The following NEGR1 variants were observed in gnomAD, a reference collection of about 807,000 sequenced individuals.
NEGR1 encodes IgLON family member 4.
Under a neutral mutation model 40.9 loss-of-function variants are expected in NEGR1, and 10 were observed. The ratio of observed to expected loss-of-function variants is 0.24; its 90% CI spans 0.15 to 0.42. The LOEUF (loss-of-function observed/expected upper bound fraction) is 0.42, where lower values mean the gene tolerates loss of function less well. Among genes scored for constraint, NEGR1 ranks in the 10% least tolerant of loss-of-function variants. NEGR1 has a pLI of 1.00. For synonymous variants in NEGR1, 185 were observed against 166.8 expected (o/e 1.11, Z -0.84); for missense variants, 352 against 438.9 (o/e 0.80, Z 1.77).
chr1:71,580,522 G>A (rs527291097), intron 6 of NEGR1, among the ~76,000 whole-genome samples: 1 of 152,166 alleles, frequency 6.6e-6, no homozygotes, highest in South Asian at 2.1e-4. Flanking sequence ...GTAGGCATGA[G>A]TTTATCATAG....
At chr1:72,018,638 A>G (rs143049912) in intron 1 of NEGR1, among the ~76,000 whole-genome samples, 2 of 152,328 alleles carry the variant, frequency 1.3e-5, no homozygotes, top group East Asian at 3.9e-4. Flanking sequence ...AATAAGTGCC[A>G]CAAAGCAAAA....
chr1:71,419,192 C>G (rs534251225), intron 6 of NEGR1, among the ~76,000 whole-genome samples: 1 of 152,250 alleles, frequency 6.6e-6, no homozygotes, highest in African/African-American at 2.4e-5. Context: ...AATTCCTTCC[C>G]AAAATAATCA....
intron 2 of NEGR1, among the ~76,000 whole-genome samples, chr1:71,827,008 G>T (rs1658650151): frequency 6.6e-6 from 1 of 151,880 alleles, no homozygotes; most frequent in South Asian, 2.1e-4. Flanking sequence ...AGGGCCTTTA[G>T]CAAGCGATTG....
intron 2 of NEGR1, among the ~76,000 whole-genome samples, chr1:71,799,491 G>A (rs555661117): frequency 1.0e-3 from 158 of 152,304 alleles, no homozygotes; most frequent in African/African-American, 3.5e-3. Context: ...TGTGAACAGT[G>A]TTACAGTAAA....
chr1:71,646,201 T>TAC (rs1651522853), intron 4 of NEGR1, among the ~76,000 whole-genome samples: 1 of 151,688 alleles, frequency 6.6e-6, no homozygotes, highest in Non-Finnish European at 1.5e-5. Context: ...TGTACATATA[T>TAC]ACACATACAT....
intron 4 of NEGR1, among the ~76,000 whole-genome samples, chr1:71,670,796 T>C (rs911628959): frequency 3.9e-5 from 6 of 152,078 alleles, no homozygotes; most frequent in Non-Finnish European, 7.4e-5. Flanking sequence ...CCCATAGATA[T>C]GTCTCTCTGA....
At chr1:71,745,824 C>T (rs1655363504) in intron 3 of NEGR1, among the ~76,000 whole-genome samples, 1 of 152,118 alleles carries the variant, frequency 6.6e-6, no homozygotes, top group African/African-American at 2.4e-5. Flanking sequence ...ACCTGTTTTT[C>T]CCAAAGCCAA....
chr1:71,720,910 C>T (rs1381778378), intron 3 of NEGR1, among the ~76,000 whole-genome samples: 1 of 152,102 alleles, frequency 6.6e-6, no homozygotes, highest in African/African-American at 2.4e-5. Context: ...ATTACCTTTA[C>T]TTGGAACAAT....
At chr1:71,736,895 C>A (rs1655056450) in intron 3 of NEGR1, among the ~76,000 whole-genome samples, 1 of 152,140 alleles carries the variant, frequency 6.6e-6, no homozygotes. Context: ...CTATTCCAAC[C>A]AAACTAAAAA....
At chr1:71,925,646 T>C (rs1645765486) in intron 2 of NEGR1, among the ~76,000 whole-genome samples, 1 of 152,182 alleles carries the variant, frequency 6.6e-6, no homozygotes. Flanking sequence ...ACAAGGAGTA[T>C]TGTCAGTTGG....
chr1:71,852,335 G>A (rs1223459454), intron 2 of NEGR1, among the ~76,000 whole-genome samples: 1 of 152,056 alleles, frequency 6.6e-6, no homozygotes, highest in African/African-American at 2.4e-5. Flanking sequence ...TGTGAGAACA[G>A]CAGATACAAA....
intron 1 of NEGR1, among the ~76,000 whole-genome samples, chr1:72,043,193 A>G (rs1646971065): frequency 6.6e-6 from 1 of 152,016 alleles, no homozygotes; most frequent in Non-Finnish European, 1.5e-5. Context: ...TCCTGAGTTC[A>G]CACCTGAACT....
intron 1 of NEGR1, among the ~76,000 whole-genome samples, chr1:71,991,984 C>T (rs182369429): frequency 1.4e-4 from 22 of 151,808 alleles, no homozygotes; most frequent in African/African-American, 3.9e-4. Flanking sequence ...TTAGTAGAGA[C>T]GGGTTTCACT....
At chr1:71,730,340 G>T (rs1654817772) in intron 3 of NEGR1, among the ~76,000 whole-genome samples, 1 of 151,762 alleles carries the variant, frequency 6.6e-6, no homozygotes, top group Non-Finnish European at 1.5e-5. Context: ...ATAGAAATAG[G>T]TCTACATGTC....
chr1:72,122,619 C>T (rs1427273254), intron 1 of NEGR1, among the ~76,000 whole-genome samples: 10 of 151,828 alleles, frequency 6.6e-5, no homozygotes, highest in Non-Finnish European at 1.5e-5. Flanking sequence ...AGGGATTCAA[C>T]AGCAGTTCTT....
chr1:71,773,960 T>C (rs908347822), intron 3 of NEGR1, among the ~76,000 whole-genome samples: 4 of 152,212 alleles, frequency 2.6e-5, no homozygotes, highest in African/African-American at 9.6e-5. Flanking sequence ...AAATTCATAA[T>C]ATTAATCTTA....
intron 1 of NEGR1, among the ~76,000 whole-genome samples, chr1:72,008,606 A>G (rs938492860): frequency 6.6e-6 from 1 of 152,134 alleles, no homozygotes; most frequent in Non-Finnish European, 1.5e-5. Flanking sequence ...TACATTTTAA[A>G]TATTATAATT....
At chr1:72,151,332 C>T (rs945908985) in intron 1 of NEGR1, among the ~76,000 whole-genome samples, 3 of 151,066 alleles carry the variant, frequency 2.0e-5, no homozygotes, top group Admixed American at 2.0e-4. Flanking sequence ...AGGCATTATA[C>T]TAATTTTAGG....
At chr1:72,110,227 A>AAAAT (rs1649305770) in intron 1 of NEGR1, among the ~76,000 whole-genome samples, 1 of 149,466 alleles carries the variant, frequency 6.7e-6, no homozygotes, top group African/African-American at 2.5e-5. Flanking sequence ...ATAATAAAAA[A>AAAAT]AAAAAAAAAA....
Sources: gnomAD v4.1 joint callset for allele counts (sites outside exome capture counted in the v4.1 genomes callset) on GRCh38, gnomAD v4.1.1 for gene constraint, MANE v1.5 for transcripts, NCBI Gene and HGNC (gene_info 2026-07-23, HGNC 2026-07-21) for gene names.